GMCL1: variants seen among roughly 807,000 people sequenced by gnomAD.
GMCL1 encodes the protein germ cell-less protein-like 1.
Under a neutral mutation model 75.5 loss-of-function variants are expected in GMCL1, and 54 were observed. That is an observed-to-expected ratio of 0.71 (90% CI 0.57 to 0.90). The LOEUF is 0.90. Among genes scored for constraint, GMCL1 ranks in the 40% least tolerant of loss-of-function variants. The pLI is 0.00. For missense variants in GMCL1, 537 were observed against 622.7 expected, an observed-to-expected ratio of 0.86 and a Z score of 1.47; for synonymous variants, 210 against 209.6, an observed-to-expected ratio of 1.00 and a Z score of -0.02.
intron 6 of GMCL1, among the ~76,000 whole-genome samples, chr2:69,846,333 A>G (rs908079050): frequency 6.6e-6 from 1 of 152,210 alleles, no homozygotes; most frequent in African/African-American, 2.4e-5. Flanking sequence ...GAAAAACTAT[A>G]AAAAATAATA....
At chr2:69,866,220 C>T (rs1055283908) in intron 11 of GMCL1, among the ~76,000 whole-genome samples, 2 of 150,556 alleles carry the variant, frequency 1.3e-5, no homozygotes, top group African/African-American at 4.9e-5. Context: ...TGCACTTCAG[C>T]CTGGTGACAG....
chr2:69,875,933 G>A (rs557091309), intron 13 of GMCL1, among the ~76,000 whole-genome samples: 171 of 152,134 alleles, frequency 1.1e-3, no homozygotes, highest in Non-Finnish European at 1.0e-3. Flanking sequence ...CTCGTGATCC[G>A]CCCACCTCAG....
At chr2:69,877,753 CCTT>C (rs1676165925) in intron 13 of GMCL1, among the ~76,000 whole-genome samples, 1 of 151,224 alleles carries the variant, frequency 6.6e-6, no homozygotes, top group Non-Finnish European at 1.5e-5. Flanking sequence ...GTACTCTCTA[CCTT>C]CTTTATTCAA....
intron 8 of GMCL1, among the ~76,000 whole-genome samples, chr2:69,854,496 G>A (rs1675413869): frequency 6.6e-6 from 1 of 152,088 alleles, no homozygotes; most frequent in Non-Finnish European, 1.5e-5. Flanking sequence ...CTTGGGAGGG[G>A]GATTCTGGCG....
At chr2:69,838,336 C>CAAAAAAAAAAAAAAAA (rs71397366) in intron 2 of GMCL1, among the ~76,000 whole-genome samples, 7 of 31,524 alleles carry the variant, frequency 2.2e-4, no homozygotes, top group Non-Finnish European at 4.3e-4. Flanking sequence ...GACTCTGTCT[C>CAAAAAAAAAAAAAAAA]AAAAAAAAAA....
chr2:69,859,726 C>A (rs956339476), intron 9 of GMCL1, among the ~76,000 whole-genome samples: 9 of 85,942 alleles, frequency 1.0e-4, no homozygotes, highest in Non-Finnish European at 1.9e-4. Context: ...AGAGTGAGAC[C>A]GTGTCTCTCT....
intron 1 of GMCL1, among the ~76,000 whole-genome samples, chr2:69,834,158 C>T (rs528489713): frequency 6.6e-6 from 1 of 152,236 alleles, no homozygotes; most frequent in South Asian, 2.1e-4. Flanking sequence ...GGCCTTTCCC[C>T]CACTCTTGTC....
chr2:69,841,071 A>C, intron 4 of GMCL1, 32 bp downstream of exon 4: 1 of 1,480,214 alleles, frequency 6.8e-7, no homozygotes, highest in South Asian at 1.1e-5. Flanking sequence ...AGAAAGGTTC[A>C]GAATAATAAT....
At chr2:69,847,057 C>CA (rs1675169327) in intron 6 of GMCL1, among the ~76,000 whole-genome samples, 1 of 148,520 alleles carries the variant, frequency 6.7e-6, no homozygotes, top group Admixed American at 6.8e-5. Flanking sequence ...AGGCTGGTCT[C>CA]AAACATCTGG....
intron 3 of GMCL1, 91 bp downstream of exon 3, chr2:69,839,644 T>C: frequency 1.2e-6 from 1 of 848,322 alleles, no homozygotes; most frequent in South Asian, 1.7e-5. Flanking sequence ...TCCAGCCTTG[T>C]AGTCTAGAAA....
chr2:69,862,064 A>G (rs1675669630), intron 10 of GMCL1, among the ~76,000 whole-genome samples: 1 of 152,192 alleles, frequency 6.6e-6, no homozygotes, highest in African/African-American at 2.4e-5. Flanking sequence ...ACCTTCCCCA[A>G]AAACATATGA....
chr2:69,872,185 A>G (rs973607404), intron 13 of GMCL1, among the ~76,000 whole-genome samples: 3 of 152,212 alleles, frequency 2.0e-5, no homozygotes, highest in African/African-American at 4.8e-5. Context: ...TTATTTATAC[A>G]TTCACAGCAG....
At chr2:69,861,416 T>C (rs930909104) in intron 10 of GMCL1, 69 bp downstream of exon 10, 1 of 919,040 alleles carries the variant, frequency 1.1e-6, no homozygotes, top group African/African-American at 1.7e-5. Flanking sequence ...GCATTCATTA[T>C]GTTGAAAAAT....
chr2:69,844,510 T>A (rs1675077185), intron 6 of GMCL1: 1 of 177,170 alleles, frequency 5.6e-6, no homozygotes, highest in African/African-American at 2.4e-5. Flanking sequence ...TCATCTTTTT[T>A]ATTGAGAAAT....
intron 12 of GMCL1, among the ~76,000 whole-genome samples, chr2:69,871,064 T>A (rs1304516480): frequency 6.6e-6 from 1 of 152,216 alleles, no homozygotes; most frequent in African/African-American, 2.4e-5. Context: ...ACAGATATTT[T>A]TGTATACTTA....
intron 9 of GMCL1, among the ~76,000 whole-genome samples, chr2:69,857,053 T>C (rs1488019930): frequency 2.0e-5 from 3 of 152,156 alleles, no homozygotes; most frequent in African/African-American, 7.2e-5. Flanking sequence ...AACCCAGAAT[T>C]TCTCAGCATC....
intron 8 of GMCL1, 70 bp downstream of exon 8, chr2:69,849,812 G>A: frequency 3.5e-6 from 3 of 848,276 alleles, no homozygotes; most frequent in Non-Finnish European, 3.6e-6. Context: ...CATGAGAACA[G>A]AAAATAAATA....
At chr2:69,869,028 G>T (rs967904798) in intron 11 of GMCL1, among the ~76,000 whole-genome samples, 1 of 151,674 alleles carries the variant, frequency 6.6e-6, no homozygotes, top group African/African-American at 2.4e-5. Context: ...CGAGGCGGGC[G>T]GATCACCTGA....
intron 11 of GMCL1, among the ~76,000 whole-genome samples, chr2:69,866,378 T>C (rs1675818266): frequency 6.6e-6 from 1 of 152,234 alleles, no homozygotes; most frequent in Non-Finnish European, 1.5e-5. Flanking sequence ...AAATCAACCT[T>C]ATATAGATAC....
Sources: allele counts gnomAD v4.1 joint callset (sites outside exome capture counted in the v4.1 genomes callset), GRCh38; gene constraint gnomAD v4.1.1; transcripts MANE v1.5; gene names NCBI Gene and HGNC (gene_info 2026-07-23, HGNC 2026-07-21).